BMERB1: variants seen among roughly 807,000 people sequenced by gnomAD.
BMERB1 encodes the protein bMERB domain-containing protein 1.
BMERB1 carries 12 observed loss-of-function variants against 23.6 expected under a neutral mutation model. The observed-to-expected ratio is 0.51, with a 90% CI of 0.33 to 0.82. The LOEUF (loss-of-function observed/expected upper bound fraction) is 0.82, where lower values mean the gene tolerates loss of function less well. Ranked by LOEUF, BMERB1 falls within the 40% of genes least tolerant of loss-of-function variation. The pLI, the probability that BMERB1 is intolerant of heterozygous loss-of-function variation, is 0.03. For missense variants in BMERB1, 247 were observed against 255.4 expected, an observed-to-expected ratio of 0.97 and a Z score of 0.22; for synonymous variants, 122 against 96.6, an observed-to-expected ratio of 1.26 and a Z score of -1.54.
chr16:15,539,223 G>A (rs1204947439), intron 2 of BMERB1, among the ~76,000 whole-genome samples: 3 of 152,122 alleles, frequency 2.0e-5, no homozygotes, highest in African/African-American at 4.8e-5. Context: ...TATAAGGAGC[G>A]TGCAACCTAG....
intron 1 of BMERB1, among the ~76,000 whole-genome samples, chr16:15,495,472 TC>T (rs2051464532): frequency 6.6e-6 from 1 of 152,132 alleles, no homozygotes. Flanking sequence ...TTCACACCAT[TC>T]TCCTGCCTCA....
At chr16:15,470,165 T>C (rs2051216684) in intron 1 of BMERB1, among the ~76,000 whole-genome samples, 1 of 152,218 alleles carries the variant, frequency 6.6e-6, no homozygotes, top group South Asian at 2.1e-4. Context: ...ATTCCTACTT[T>C]CTGAGACTTT....
At chr16:15,527,086 A>G (rs1831305462) in intron 2 of BMERB1, among the ~76,000 whole-genome samples, 1 of 151,818 alleles carries the variant, frequency 6.6e-6, no homozygotes, top group South Asian at 2.1e-4. Flanking sequence ...CAAAATATAT[A>G]TAATATTTAC....
chr16:15,481,349 A>AC (rs2051318933), intron 1 of BMERB1, among the ~76,000 whole-genome samples: 1 of 151,972 alleles, frequency 6.6e-6, no homozygotes, highest in Non-Finnish European at 1.5e-5. Context: ...ACACGGTGAA[A>AC]CCCCGTCTCT....
At chr16:15,535,480 T>C (rs147914485) in intron 2 of BMERB1, among the ~76,000 whole-genome samples, 2,576 of 151,976 alleles carry the variant, frequency 0.017, 77 homozygotes, top group African/African-American at 0.06. Context: ...ACCCCATCTC[T>C]ACTAAAAATA....
At chr16:15,505,139 T>C (rs1221815189) in intron 1 of BMERB1, among the ~76,000 whole-genome samples, 1 of 152,214 alleles carries the variant, frequency 6.6e-6, no homozygotes, top group African/African-American at 2.4e-5. Context: ...CAAGTCATTT[T>C]ACATCCTATC....
At chr16:15,566,960 A>T (rs914569581) in intron 2 of BMERB1, among the ~76,000 whole-genome samples, 1 of 151,904 alleles carries the variant, frequency 6.6e-6, no homozygotes, top group Non-Finnish European at 1.5e-5. Flanking sequence ...AGGTGGGAGG[A>T]TTGCTTGAAG....
intron 2 of BMERB1, among the ~76,000 whole-genome samples, chr16:15,563,322 A>AC (rs57052752): frequency 0.1 from 15,913 of 151,964 alleles, 2,537 homozygotes; most frequent in African/African-American, 0.34. Flanking sequence ...CTGGGTTCAC[A>AC]CATTCTCCTG....
At chr16:15,526,177 A>G (rs954638471) in intron 2 of BMERB1, among the ~76,000 whole-genome samples, 1 of 152,148 alleles carries the variant, frequency 6.6e-6, no homozygotes, top group Admixed American at 6.5e-5. Flanking sequence ...CATTCTATTC[A>G]CCAGCACTGC....
intron 1 of BMERB1, among the ~76,000 whole-genome samples, chr16:15,446,563 C>T (rs2050991781): frequency 2.0e-5 from 3 of 152,150 alleles, no homozygotes; most frequent in Admixed American, 2.0e-4. Context: ...GAGGAGCAAA[C>T]TGAGGCTTAC....
At chr16:15,508,868 G>T (rs545271675) in intron 1 of BMERB1, among the ~76,000 whole-genome samples, 127 of 150,758 alleles carry the variant, frequency 8.4e-4, no homozygotes, top group African/African-American at 2.9e-3. Flanking sequence ...TTTACAATGA[G>T]CCCAACACAG....
At chr16:15,572,031 T>A (rs1162590478) in intron 3 of BMERB1, among the ~76,000 whole-genome samples, 1 of 152,208 alleles carries the variant, frequency 6.6e-6, no homozygotes, top group Non-Finnish European at 1.5e-5. Context: ...TCCTCGACTT[T>A]GGCAAAATAA....
chr16:15,526,192 G>C (rs555941100), intron 2 of BMERB1, among the ~76,000 whole-genome samples: 1 of 152,194 alleles, frequency 6.6e-6, no homozygotes, highest in East Asian at 1.9e-4. Context: ...CACTGCCCTA[G>C]AGAAACTACA....
intron 2 of BMERB1, among the ~76,000 whole-genome samples, chr16:15,541,115 G>T (rs2052074668): frequency 6.6e-6 from 1 of 152,044 alleles, no homozygotes; most frequent in Non-Finnish European, 1.5e-5. Context: ...CCTCGGGTTT[G>T]ATAGTTTGCT....
intron 2 of BMERB1, among the ~76,000 whole-genome samples, chr16:15,541,742 C>G (rs1044625396): frequency 1.3e-5 from 2 of 151,074 alleles, no homozygotes; most frequent in African/African-American, 4.9e-5. Context: ...GCTGGGCCTA[C>G]AGGCGCCTGC....
At chr16:15,522,475 A>G (rs1217076737) in intron 2 of BMERB1, among the ~76,000 whole-genome samples, 1 of 152,172 alleles carries the variant, frequency 6.6e-6, no homozygotes. Flanking sequence ...TGCATTGTAG[A>G]TAGCAGTTCT....
chr16:15,515,427 A>C lies in BMERB1; in HGVS notation c.229A>C (p.Met77Leu). 1 of 1,613,448 alleles carries C rather than the reference A, an allele frequency of 6.2e-7. No individual in the cohort carries two copies. Among genetic ancestry groups the C allele is most frequent in the Non-Finnish European group, 8.5e-7 (1 of 1,179,780 alleles). Reference sequence around the variant, plus strand: ...CCGCCGGGAGTCTGAGCTCAGGTTCATGTGAGTGTTTTGGGGATGTGGCCA... The same window carrying C: ...CCGCCGGGAGTCTGAGCTCAGGTTCCTGTGAGTGTTTTGGGGATGTGGCCA... Reference protein sequence around the residue: ...LVRRESELRFMMDDIQLCKDI... With the variant: ...LVRRESELRFLMDDIQLCKDI... Residue 77 changes from methionine to leucine, a missense_variant and splice_region_variant, in exon 2 of 6, where the codon ATG (methionine) becomes CTG (leucine). Coordinates refer to ENST00000300006, the MANE Select transcript of BMERB1 (RefSeq NM_033201.3).
intron 5 of BMERB1, among the ~76,000 whole-genome samples, chr16:15,585,347 A>G (rs1245977360): frequency 6.6e-6 from 1 of 152,210 alleles, no homozygotes; most frequent in Non-Finnish European, 1.5e-5. Flanking sequence ...CAAGGGGCCA[A>G]CTTTACACTA....
chr16:15,498,004 C>A (rs1277525427), intron 1 of BMERB1, among the ~76,000 whole-genome samples: 1 of 152,088 alleles, frequency 6.6e-6, no homozygotes, highest in East Asian at 1.9e-4. Context: ...TGTGTGAATC[C>A]CCTCACTTAA....
Sources: gnomAD v4.1 joint callset for allele counts (sites outside exome capture counted in the v4.1 genomes callset) on GRCh38, gnomAD v4.1.1 for gene constraint, MANE v1.5 for transcripts, NCBI Gene and HGNC (gene_info 2026-07-23, HGNC 2026-07-21) for gene names.